The following CDH12 variants were observed in gnomAD, a reference collection of about 807,000 sequenced individuals.
CDH12 encodes the protein cadherin 12.
A neutral mutation model predicts 74.1 loss-of-function variants in CDH12; 41 were observed. That is an observed-to-expected ratio of 0.55 (90% CI 0.43 to 0.72). The LOEUF is 0.72. Ranked by LOEUF, CDH12 falls within the 30% of genes least tolerant of loss-of-function variation. The pLI is 0.00. For synonymous variants in CDH12, 399 were observed against 355.0 expected, an observed-to-expected ratio of 1.12 and a Z score of -1.39; for missense variants, 945 against 977.2, an observed-to-expected ratio of 0.97 and a Z score of 0.44.
intron 2 of CDH12, among the ~76,000 whole-genome samples, chr5:22,473,534 A>G (rs1580685869): frequency 6.6e-6 from 1 of 152,090 alleles, no homozygotes; most frequent in African/African-American, 2.4e-5. Context: ...GGGGATAAAA[A>G]CCCTTATGAA....
Position 22,077,082 on chromosome 5 carries a change from G to A in CDH12, c.231+1364C>T, listed in dbSNP as rs573726762. 1.3e-4 allele frequency among the ~76,000 whole-genome samples: 20 copies of A among 151,318 alleles called. No individual in the cohort carries two copies. In the South Asian group the frequency reaches 1.5e-3, roughly 11 times the overall value. On this transcript the variant is annotated intron_variant, in intron 5 of 14. Transcript: ENST00000382254. Reference sequence around the variant, plus strand: ...TGTGTGTGTGTGTGTGTGTGTGCGCGTGTGTATTTGTAAGATCACTGAGAC... The same window carrying A: ...TGTGTGTGTGTGTGTGTGTGTGCGCATGTGTATTTGTAAGATCACTGAGAC...
chr5:22,444,539 GT>G (rs35321671), intron 2 of CDH12, among the ~76,000 whole-genome samples: 3,042 of 143,056 alleles, frequency 0.021, 40 homozygotes, highest in Middle Eastern at 0.031. Context: ...TTTTTTAACA[GT>G]TTTTTTTTTT....
At chr5:22,526,101 A>G (rs891971343) in intron 1 of CDH12, among the ~76,000 whole-genome samples, 1 of 152,072 alleles carries the variant, frequency 6.6e-6, no homozygotes, top group African/African-American at 2.4e-5. Context: ...TAATATGAAA[A>G]ATATTTATAG....
At chr5:22,480,983 G>A (rs1002142242) in intron 2 of CDH12, among the ~76,000 whole-genome samples, 2 of 151,914 alleles carry the variant, frequency 1.3e-5, no homozygotes, top group South Asian at 2.1e-4. Flanking sequence ...ATCAATCAAG[G>A]TAAAATATGT....
chr5:22,512,732 G>A (rs1424177166), intron 1 of CDH12, among the ~76,000 whole-genome samples: 4 of 152,182 alleles, frequency 2.6e-5, no homozygotes, highest in African/African-American at 9.7e-5. Flanking sequence ...TGGAATCAGA[G>A]AAATTGCTGC....
At chr5:22,046,304 G>C (rs1368365747) in intron 5 of CDH12, among the ~76,000 whole-genome samples, 1 of 152,026 alleles carries the variant, frequency 6.6e-6, no homozygotes, top group Non-Finnish European at 1.5e-5. Flanking sequence ...GAGCAGCCAA[G>C]TCCTGCCACC....
At chr5:22,099,503 A>G (rs140744194) in intron 4 of CDH12, among the ~76,000 whole-genome samples, 10,022 of 152,012 alleles carry the variant, frequency 0.066, 351 homozygotes, top group South Asian at 0.12. Context: ...CTGTATGGAC[A>G]CTCCTTTTTA....
chr5:22,426,665 A>G (rs993833358), intron 2 of CDH12, among the ~76,000 whole-genome samples: 2 of 152,200 alleles, frequency 1.3e-5, no homozygotes, highest in Non-Finnish European at 2.9e-5. Flanking sequence ...GGCAATACAA[A>G]TAAACCTAAA....
intron 1 of CDH12, among the ~76,000 whole-genome samples, chr5:22,659,674 T>TC (rs1740245122): frequency 1.3e-5 from 2 of 151,874 alleles, no homozygotes; most frequent in Middle Eastern, 3.2e-3. Context: ...CATAGTTTTT[T>TC]TCTCTCTCTC....
At chr5:22,730,714 A>C (rs374812277) in intron 1 of CDH12, among the ~76,000 whole-genome samples, 1 of 151,760 alleles carries the variant, frequency 6.6e-6, no homozygotes, top group African/African-American at 2.4e-5. Context: ...TGGTGTTTAG[A>C]TGTGTAGAAA....
In CDH12 at chr5:21,809,071, A is replaced by C. The variant is rs181622584; in HGVS notation, c.1003-6651T>G. Among the ~76,000 whole-genome samples, 6 of 152,194 alleles carry C rather than the reference A, an allele frequency of 3.9e-5. No homozygotes were observed. In the East Asian group the frequency reaches 1.2e-3, roughly 29 times the overall value. On this transcript the variant is annotated intron_variant, in intron 9 of 14. Transcript: ENST00000382254. ...CCATTTTATATAACTTACCTTAAAAATATTTGTAACAAAACTATTTATTAG... is the reference window on the plus strand; with the variant it reads ...CCATTTTATATAACTTACCTTAAAACTATTTGTAACAAAACTATTTATTAG...
At chr5:21,878,611 C>A (rs1370816198) in intron 6 of CDH12, among the ~76,000 whole-genome samples, 4 of 147,716 alleles carry the variant, frequency 2.7e-5, no homozygotes, top group Non-Finnish European at 5.9e-5. Context: ...GGCATGGTGG[C>A]ATGGCCTGTG....
At chr5:21,847,423 G>A (rs1750232179) in intron 7 of CDH12, among the ~76,000 whole-genome samples, 1 of 151,988 alleles carries the variant, frequency 6.6e-6, no homozygotes, top group South Asian at 2.1e-4. Context: ...TTACAATTCT[G>A]GATGTAAGGA....
Position 22,709,817 on chromosome 5 carries a change from G to T in CDH12, c.-523+143241C>A, listed in dbSNP as rs546362787. ...CTCAGATGATTGAACCTATGGTACA[G>T]ACTGAAAGTTCTGTGTCTATGATTG... On this transcript the variant is annotated intron_variant, in intron 1 of 14. Transcript: ENST00000382254. 5.3e-5 allele frequency among the ~76,000 whole-genome samples: 8 copies of T among 152,288 alleles called. No individual in the cohort carries two copies. The East Asian group carries it at 1.5e-3, about 29-fold the overall frequency.
chr5:22,587,073 C>T (rs1350200887), intron 1 of CDH12, among the ~76,000 whole-genome samples: 2 of 151,768 alleles, frequency 1.3e-5, no homozygotes, highest in African/African-American at 2.4e-5. Flanking sequence ...TGACCTCAGG[C>T]GATCTGCCCG....
chr5:22,787,693 G>A (rs1269200835), intron 1 of CDH12, among the ~76,000 whole-genome samples: 1 of 151,914 alleles, frequency 6.6e-6, no homozygotes, highest in Non-Finnish European at 1.5e-5. Flanking sequence ...ATCTCTCACT[G>A]GGCTGCAATC....
At chr5:22,554,345 T>G (rs1385975387) in intron 1 of CDH12, among the ~76,000 whole-genome samples, 1 of 152,102 alleles carries the variant, frequency 6.6e-6, no homozygotes, top group Non-Finnish European at 1.5e-5. Flanking sequence ...GTTTATTAAT[T>G]GTGACAAAAG....
At chr5:22,367,110 T>C (rs962602904) in intron 3 of CDH12, among the ~76,000 whole-genome samples, 11 of 152,190 alleles carry the variant, frequency 7.2e-5, no homozygotes, top group African/African-American at 2.4e-4. Flanking sequence ...TTTGGTTACT[T>C]GTATTTTTGT....
In CDH12 at chr5:21,752,329, G is replaced by A. The variant is rs1744142897; in HGVS notation, c.1886-93C>T. ...ATTAAAAATGATTAGGGGTGGCTGA[G>A]TTTCGTGAATGACCTCCTGTTACTT... is the stretch of plus-strand genomic sequence containing the variant. On this transcript the variant is annotated intron_variant, in intron 14 of 14. Coordinates refer to ENST00000382254, the MANE Select transcript of CDH12 (RefSeq NM_004061.5). 3 of 1,097,578 alleles carry A rather than the reference G, an allele frequency of 2.7e-6. No homozygotes were observed. The South Asian group carries it at 4.7e-5, about 17-fold the overall frequency. 68.0% of individuals were successfully genotyped at this position (1,097,578 alleles called of 1,614,324 possible).
Sources: allele counts gnomAD v4.1 joint callset (sites outside exome capture counted in the v4.1 genomes callset), GRCh38; gene constraint gnomAD v4.1.1; transcripts MANE v1.5; gene names NCBI Gene and HGNC (gene_info 2026-07-23, HGNC 2026-07-21).